The following ZDHHC7 variants were observed in gnomAD, a reference collection of about 807,000 sequenced individuals.
ZDHHC7 encodes the protein zDHHC palmitoyltransferase 7.
Under a neutral mutation model 34.1 loss-of-function variants are expected in ZDHHC7, and 12 were observed. The ratio of observed to expected loss-of-function variants is 0.35; its 90% CI spans 0.23 to 0.57. ZDHHC7 has a LOEUF of 0.57. Ranked by LOEUF, ZDHHC7 falls within the 20% of genes least tolerant of loss-of-function variation. The pLI is 0.84. For missense variants in ZDHHC7, 388 were observed against 402.7 expected (o/e 0.96, Z 0.31); for synonymous variants, 185 against 155.4 (o/e 1.19, Z -1.42).
intron 1 of ZDHHC7, among the ~76,000 whole-genome samples, chr16:85,001,435 C>T (rs2072651058): frequency 7.5e-6 from 1 of 132,616 alleles, no homozygotes; most frequent in Non-Finnish European, 1.5e-5. Context: ...CGCACCACTG[C>T]ACTCCAGCCT....
At chr16:85,011,020 G>C (rs1048851439) in intron 1 of ZDHHC7, among the ~76,000 whole-genome samples, 2 of 152,268 alleles carry the variant, frequency 1.3e-5, no homozygotes, top group African/African-American at 4.8e-5. Context: ...GGAGAGCTGA[G>C]TGTCACGCCC....
At chr16:85,019,536 G>A in the ZDHHC7 span, among the ~76,000 whole-genome samples, 1 of 152,074 alleles carries the variant, frequency 6.6e-6, no homozygotes, top group African/African-American at 2.4e-5. Context: ...TGGCCAATAT[G>A]GTGAAACCCC....
intron 3 of ZDHHC7, among the ~76,000 whole-genome samples, chr16:84,985,299 C>A (rs995421234): frequency 6.6e-6 from 1 of 152,256 alleles, no homozygotes; most frequent in Non-Finnish European, 1.5e-5. Flanking sequence ...CCTCGCCCTT[C>A]CAGGGCAGTT....
intron 3 of ZDHHC7, among the ~76,000 whole-genome samples, chr16:84,987,727 T>G (rs944313283): frequency 6.6e-6 from 1 of 152,016 alleles, no homozygotes; most frequent in African/African-American, 2.4e-5. Context: ...TGGCTATAGG[T>G]GAGAAGGGTC....
chr16:85,007,860 G>A (rs1174417676), intron 1 of ZDHHC7, among the ~76,000 whole-genome samples: 1 of 152,038 alleles, frequency 6.6e-6, no homozygotes. Flanking sequence ...AACCAGGCCA[G>A]GCACAGTATA....
At chr16:85,013,823 G>A (rs956560082), upstream of ZDHHC7, among the ~76,000 whole-genome samples, 9 of 152,026 alleles carry the variant, frequency 5.9e-5, no homozygotes, top group Non-Finnish European at 1.2e-4. Flanking sequence ...AAGTAGCTGG[G>A]ATTACAGGCA....
intron 2 of ZDHHC7, among the ~76,000 whole-genome samples, chr16:84,991,475 A>T (rs950533389): frequency 8.6e-5 from 13 of 151,718 alleles, no homozygotes; most frequent in African/African-American, 2.4e-4. Flanking sequence ...TTTAGTAGAG[A>T]TGGAGTTTCA....
chr16:85,003,310 G>GATA (rs2072676473), intron 1 of ZDHHC7, among the ~76,000 whole-genome samples: 1 of 152,192 alleles, frequency 6.6e-6, no homozygotes, highest in Non-Finnish European at 1.5e-5. Context: ...TGCAAACGGG[G>GATA]CCACATCCCA....
intron 1 of ZDHHC7, among the ~76,000 whole-genome samples, chr16:85,008,078 C>T (rs555022843): frequency 3.7e-4 from 56 of 152,110 alleles, no homozygotes; most frequent in African/African-American, 1.3e-3. Flanking sequence ...ATTGTGCCAC[C>T]GCACTCCAGC....
intron 1 of ZDHHC7, among the ~76,000 whole-genome samples, chr16:84,998,154 C>T (rs1381433351): frequency 6.6e-6 from 1 of 151,008 alleles, no homozygotes; most frequent in Non-Finnish European, 1.5e-5. Context: ...GTCCCAGCTA[C>T]TCGGGAGGCT....
At chr16:85,013,231 C>A (rs2072816993), upstream of ZDHHC7, among the ~76,000 whole-genome samples, 1 of 152,026 alleles carries the variant, frequency 6.6e-6, no homozygotes, top group African/African-American at 2.4e-5. Flanking sequence ...AAGTATTGTT[C>A]TTTTATTATT....
At chr16:84,986,513 C>A (rs560975028) in intron 3 of ZDHHC7, among the ~76,000 whole-genome samples, 1 of 152,336 alleles carries the variant, frequency 6.6e-6, no homozygotes, top group East Asian at 1.9e-4. Context: ...ATTGAAGACA[C>A]AGGCTCTAAC....
the ZDHHC7 span, among the ~76,000 whole-genome samples, chr16:85,022,800 A>T: frequency 1.8e-4 from 28 of 152,318 alleles, no homozygotes; most frequent in Non-Finnish European, 3.1e-4. Flanking sequence ...AGCACTAAGA[A>T]GATCACAACT....
chr16:85,007,999 C>G (rs1248101099), intron 1 of ZDHHC7, among the ~76,000 whole-genome samples: 3 of 151,938 alleles, frequency 2.0e-5, no homozygotes, highest in African/African-American at 7.3e-5. Context: ...CCTGTGGTCC[C>G]TGTTAACCAG....
chr16:85,021,782 G>C, the ZDHHC7 span, among the ~76,000 whole-genome samples: 6 of 151,446 alleles, frequency 4.0e-5, no homozygotes, highest in East Asian at 1.2e-3. Flanking sequence ...ATAAGGAGAG[G>C]AGAGAGAGAA....
intron 1 of ZDHHC7, among the ~76,000 whole-genome samples, chr16:85,000,022 C>T (rs1261829550): frequency 2.0e-5 from 3 of 151,662 alleles, no homozygotes; most frequent in East Asian, 1.9e-4. Flanking sequence ...GGCCTGTACT[C>T]CCAGCTGCTC....
chr16:85,025,365 G>A, the ZDHHC7 span, among the ~76,000 whole-genome samples: 1 of 151,922 alleles, frequency 6.6e-6, no homozygotes, highest in East Asian at 1.9e-4. Context: ...TTGTGCCCCT[G>A]GATCCTGCTG....
rs2072601993 is a variant in ZDHHC7 at position 84,997,894 on chromosome 16, CTAAAAAA to C, written c.-103-1894_-103-1888del. Among the ~76,000 whole-genome samples the C allele has an allele frequency of 1.5e-4, 10 of 66,592 alleles. No homozygotes were observed. The South Asian group carries it at 5.7e-3, about 38-fold the overall frequency. 43.7% of individuals were successfully genotyped at this position (66,592 alleles called of 152,430 possible). A position where few individuals can be genotyped will look rare whatever the true frequency, so the allele number is the denominator to read the frequency against. ...CCTGGGCGACAGAGCGAGACTCCGT[CTAAAAAA>C]AAAAAAAAAAAAAAAAATAGAAATG... On this transcript the variant is annotated intron_variant, in intron 1 of 7. Coordinates refer to ENST00000313732, the MANE Select transcript of ZDHHC7 (RefSeq NM_017740.3).
intron 3 of ZDHHC7, among the ~76,000 whole-genome samples, chr16:84,983,308 G>A (rs1567494341): frequency 6.6e-6 from 1 of 152,230 alleles, no homozygotes; most frequent in Non-Finnish European, 1.5e-5. Context: ...ACAGCAGATG[G>A]CCCTGCTGGA....
Sources: allele counts gnomAD v4.1 joint callset (sites outside exome capture counted in the v4.1 genomes callset), GRCh38; gene constraint gnomAD v4.1.1; transcripts MANE v1.5; gene names NCBI Gene and HGNC (gene_info 2026-07-23, HGNC 2026-07-21).